The following CUL1 variants were observed in gnomAD, a reference collection of about 807,000 sequenced individuals.
The protein encoded by CUL1 is cullin 1.
CUL1 carries 24 observed loss-of-function variants against 118.0 expected under a neutral mutation model. The observed-to-expected ratio is 0.20, with a 90% CI of 0.15 to 0.29. CUL1 has a LOEUF of 0.29. Among genes scored for constraint, CUL1 ranks in the 10% least tolerant of loss-of-function variants. CUL1 has a pLI of 1.00. For synonymous variants in CUL1, 332 were observed against 340.4 expected (o/e 0.98, Z 0.27); for missense variants, 361 against 933.8 (o/e 0.39, Z 7.99).
chr7:148,746,115 G>T (rs1001432935), intron 2 of CUL1, among the ~76,000 whole-genome samples: 1 of 152,116 alleles, frequency 6.6e-6, no homozygotes, highest in East Asian at 1.9e-4. Context: ...CTCTCTGAGG[G>T]GTGGGCTTGG....
intron 2 of CUL1, among the ~76,000 whole-genome samples, chr7:148,751,534 CAAA>C (rs1166826975): frequency 1.2e-4 from 8 of 65,668 alleles, no homozygotes; most frequent in East Asian, 4.6e-4. Flanking sequence ...GACTCTGTCT[CAAA>C]AAAAAAAAAA....
chr7:148,772,667 T>G (rs888777999), intron 9 of CUL1, among the ~76,000 whole-genome samples: 1 of 152,226 alleles, frequency 6.6e-6, no homozygotes, highest in East Asian at 1.9e-4. Flanking sequence ...CACATCTCCG[T>G]GACCTCATCT....
At chr7:148,712,002 G>A (rs964048470) in intron 1 of CUL1, among the ~76,000 whole-genome samples, 1 of 152,186 alleles carries the variant, frequency 6.6e-6, no homozygotes, top group Non-Finnish European at 1.5e-5. Context: ...GGCCTTCCAC[G>A]CTTAGTGGCC....
intron 7 of CUL1, among the ~76,000 whole-genome samples, chr7:148,762,790 A>G (rs759257181): frequency 1.1e-4 from 17 of 152,254 alleles, no homozygotes; most frequent in Non-Finnish European, 2.2e-4. Flanking sequence ...CTCTAGGGCA[A>G]GGAAACCAGT....
At chr7:148,769,397 T>TCACACA (rs55858322) in intron 9 of CUL1, among the ~76,000 whole-genome samples, 5,240 of 129,046 alleles carry the variant, frequency 0.041, 130 homozygotes, top group East Asian at 0.06. Context: ...AGGGCCTGAT[T>TCACACA]CACACACACA....
intron 2 of CUL1, among the ~76,000 whole-genome samples, chr7:148,732,008 T>A (rs1480886653): frequency 6.6e-6 from 1 of 152,220 alleles, no homozygotes; most frequent in Non-Finnish European, 1.5e-5. Flanking sequence ...GCTCTGTGAC[T>A]TCTGGTCTCC....
intron 16 of CUL1, among the ~76,000 whole-genome samples, chr7:148,791,763 A>G (rs1035252894): frequency 6.6e-6 from 1 of 152,276 alleles, no homozygotes; most frequent in African/African-American, 2.4e-5. Context: ...AGTGACTGAC[A>G]GTCATGGGTC....
At chr7:148,770,039 T>C (rs1800156514) in intron 9 of CUL1, among the ~76,000 whole-genome samples, 2 of 152,394 alleles carry the variant, frequency 1.3e-5, no homozygotes, top group South Asian at 4.1e-4. Context: ...TACAATCAGC[T>C]GCCTGATATT....
chr7:148,738,807 AT>A (rs1225596940), intron 2 of CUL1, among the ~76,000 whole-genome samples: 5 of 151,572 alleles, frequency 3.3e-5, no homozygotes, highest in South Asian at 2.1e-4. Context: ...TACTGTTTTA[AT>A]TTTTTTTCCC....
At chr7:148,783,416 T>C in intron 9 of CUL1, 1 of 985,450 alleles carries the variant, frequency 1.0e-6, no homozygotes, top group Non-Finnish European at 1.2e-6. Flanking sequence ...CTAAACGCCT[T>C]CTCCAGCTGA....
rs571073606 is a variant in CUL1, at chr7:148,799,590, G to T, written c.2250+202G>T. ...ACAGATGATGAAGTGCCAGCTTGATGACTTTCACAGTCAATACACTGTGTG... is the reference window on the plus strand; with the variant it reads ...ACAGATGATGAAGTGCCAGCTTGATTACTTTCACAGTCAATACACTGTGTG... On this transcript the variant is annotated intron_variant, in intron 21 of 21. Transcript: ENST00000325222. Among the ~76,000 whole-genome samples the T allele has an allele frequency of 7.9e-5, 12 of 152,350 alleles. No individual in the cohort carries two copies. In the South Asian group the frequency reaches 2.3e-3, roughly 29 times the overall value.
At chr7:148,725,183 G>A (rs762447714) in intron 1 of CUL1, among the ~76,000 whole-genome samples, 2 of 146,506 alleles carry the variant, frequency 1.4e-5, no homozygotes, top group Admixed American at 6.9e-5. Flanking sequence ...GGCATGCAGC[G>A]CACATGCGCG....
At chr7:148,699,503 CCCGGCGCTGCTTT>C (rs1797643855) in intron 1 of CUL1, among the ~76,000 whole-genome samples, 1 of 152,146 alleles carries the variant, frequency 6.6e-6, no homozygotes, top group Non-Finnish European at 1.5e-5. Flanking sequence ...CACGCTTCTT[CCCGGCGCTGCTTT>C]CCGGCCGACG....
chr7:148,764,821 C>T (rs1430679810), intron 7 of CUL1, among the ~76,000 whole-genome samples: 1 of 152,136 alleles, frequency 6.6e-6, no homozygotes, highest in Non-Finnish European at 1.5e-5. Flanking sequence ...ATAACATAAA[C>T]CTACAAGCCT....
intron 11 of CUL1, among the ~76,000 whole-genome samples, chr7:148,784,543 T>C (rs2129462649): frequency 6.6e-6 from 1 of 152,364 alleles, no homozygotes; most frequent in Middle Eastern, 3.4e-3. Context: ...ATATAATATA[T>C]AGCTTTCTCC....
intron 7 of CUL1, among the ~76,000 whole-genome samples, chr7:148,760,859 T>C (rs1799804880): frequency 6.6e-6 from 1 of 152,242 alleles, no homozygotes; most frequent in African/African-American, 2.4e-5. Context: ...TTTTTGCTTC[T>C]AAAATATCCC....
intron 1 of CUL1, among the ~76,000 whole-genome samples, chr7:148,702,498 C>T (rs1472033339): frequency 6.6e-6 from 1 of 152,204 alleles, no homozygotes; most frequent in East Asian, 1.9e-4. Context: ...TTTGGAAAAA[C>T]GGTCTTAAAG....
chr7:148,785,524 T>A (rs1382055351), intron 11 of CUL1, among the ~76,000 whole-genome samples: 1 of 125,728 alleles, frequency 8.0e-6, no homozygotes, highest in African/African-American at 2.8e-5. Flanking sequence ...ACCCGGCTAA[T>A]TTTTTTTTTT....
chr7:148,756,356 G>A lies in CUL1; in HGVS notation c.316-627G>A, dbSNP rs146990404. Among the ~76,000 whole-genome samples the A allele has an allele frequency of 2.3e-3, 351 of 151,942 alleles. 1 individual carries two copies. Among genetic ancestry groups the A allele is most frequent in the Non-Finnish European group, 4.3e-3 (291 of 67,954 alleles). On this transcript the variant is annotated intron_variant, in intron 3 of 21. Transcript: ENST00000325222. Reference sequence around the variant, plus strand: ...TTCTTTTTTTTTTGGGAAGGGGTGCGGCGGAGTCTTGCTCTGTCGCCCAGG... The same window carrying A: ...TTCTTTTTTTTTTGGGAAGGGGTGCAGCGGAGTCTTGCTCTGTCGCCCAGG...
Sources: gnomAD v4.1 joint callset for allele counts (sites outside exome capture counted in the v4.1 genomes callset) on GRCh38, gnomAD v4.1.1 for gene constraint, MANE v1.5 for transcripts, NCBI Gene and HGNC (gene_info 2026-07-23, HGNC 2026-07-21) for gene names.